The following AGBL1 variants were observed in gnomAD, a reference collection of about 807,000 sequenced individuals.
AGBL1 encodes AGBL carboxypeptidase 1, also known as cytosolic carboxypeptidase 4.
A neutral mutation model predicts 118.9 loss-of-function variants in AGBL1; 130 were observed. That is an observed-to-expected ratio of 1.09 (90% confidence interval 0.95 to 1.26). The LOEUF (loss-of-function observed/expected upper bound fraction) is 1.26. Ranked by LOEUF, AGBL1 falls within the 50% of genes most tolerant of loss-of-function variation. The probability of loss-of-function intolerance (pLI) is 0.00; values close to 1 mark genes in which losing one functional copy is unlikely to be tolerated. For synonymous variants in AGBL1, 555 were observed against 478.9 expected, an observed-to-expected ratio of 1.16 and a Z score of -2.08; for missense variants, 1,584 against 1,298.1, an observed-to-expected ratio of 1.22 and a Z score of -3.38.
intron 13 of AGBL1, among the ~76,000 whole-genome samples, chr15:86,268,563 G>A (rs1169758663): frequency 2.0e-5 from 3 of 152,106 alleles, no homozygotes; most frequent in Non-Finnish European, 4.4e-5. Context: ...TTATGGTCAG[G>A]GTAATAGAGT....
intron 5 of AGBL1, among the ~76,000 whole-genome samples, chr15:86,222,208 A>G (rs2078291522): frequency 6.6e-6 from 1 of 152,140 alleles, no homozygotes; most frequent in African/African-American, 2.4e-5. Flanking sequence ...ATAAATGTAT[A>G]TTCCTAACTG....
intron 1 of AGBL1, among the ~76,000 whole-genome samples, chr15:86,140,893 A>T (rs1476999722): frequency 6.6e-6 from 1 of 152,236 alleles, no homozygotes; most frequent in Non-Finnish European, 1.5e-5. Context: ...CTGAAGACAT[A>T]AGAAGGACAA....
chr15:86,204,472 A>C (rs10152455), intron 5 of AGBL1, among the ~76,000 whole-genome samples: 21,279 of 149,090 alleles, frequency 0.14, 3,250 homozygotes, highest in African/African-American at 0.38. Context: ...CCCTTCCCTT[A>C]CCTTCCCTTC....
chr15:86,944,669 T>C (rs944442104), intron 23 of AGBL1, among the ~76,000 whole-genome samples: 3 of 152,222 alleles, frequency 2.0e-5, no homozygotes, highest in African/African-American at 7.2e-5. Context: ...ATCTGCATAT[T>C]TTTAATGCCT....
intron 21 of AGBL1, among the ~76,000 whole-genome samples, chr15:86,603,199 A>G (rs1442109480): frequency 2.0e-5 from 3 of 151,924 alleles, no homozygotes; most frequent in African/African-American, 7.3e-5. Context: ...ACCATCATCC[A>G]TTTCTCCACA....
intron 21 of AGBL1, among the ~76,000 whole-genome samples, chr15:86,635,493 C>A (rs2085068376): frequency 6.6e-6 from 1 of 151,608 alleles, no homozygotes. Context: ...ACTGTTTTGG[C>A]TCTCTGTTTT....
intron 21 of AGBL1, among the ~76,000 whole-genome samples, chr15:86,575,230 G>C (rs1386180349): frequency 6.6e-6 from 1 of 151,984 alleles, no homozygotes; most frequent in Non-Finnish European, 1.5e-5. Flanking sequence ...TGGGTGTGGT[G>C]GTGCATGTCT....
chr15:86,169,985 T>G (rs150888832), intron 5 of AGBL1, among the ~76,000 whole-genome samples: 10 of 152,266 alleles, frequency 6.6e-5, no homozygotes, highest in Non-Finnish European at 1.5e-4. Flanking sequence ...AATCACAATG[T>G]GTAGAATCCA....
intron 18 of AGBL1, among the ~76,000 whole-genome samples, chr15:86,511,200 A>G (rs1567032833): frequency 6.6e-6 from 1 of 152,066 alleles, no homozygotes; most frequent in African/African-American, 2.4e-5. Flanking sequence ...TTTTACATAG[A>G]AGAAAACCAC....
chr15:86,472,032 G>C (rs2082486241), intron 18 of AGBL1, among the ~76,000 whole-genome samples: 1 of 152,188 alleles, frequency 6.6e-6, no homozygotes. Flanking sequence ...CCACTGACTG[G>C]TGTGATGCAG....
rs548088418 is a variant in AGBL1, at chr15:86,715,209, A to G, written c.3158+40773A>G. ...TAGGTCTGAAGTCAGAGAATGGGGG[A>G]AAATAATCTAAATCCTGCACAGTGA... On this transcript the variant is annotated intron_variant, in intron 22 of 22. Coordinates refer to ENST00000614907, the MANE Select transcript of AGBL1 (RefSeq NM_001386094.1). Among the ~76,000 whole-genome samples the G allele has an allele frequency of 1.5e-4, 23 of 152,312 alleles. 1 individual carries two copies. The East Asian group carries it at 4.3e-3, about 28-fold the overall frequency.
At chr15:86,741,071 T>C (rs1176269545) in intron 22 of AGBL1, among the ~76,000 whole-genome samples, 1 of 151,884 alleles carries the variant, frequency 6.6e-6, no homozygotes, top group East Asian at 1.9e-4. Flanking sequence ...ATGGTAAAAC[T>C]CCTCTATGTG....
intron 18 of AGBL1, among the ~76,000 whole-genome samples, chr15:86,430,738 T>C (rs573842045): frequency 1.2e-4 from 19 of 152,300 alleles, no homozygotes; most frequent in African/African-American, 3.1e-4. Flanking sequence ...CCACAGGTGA[T>C]AATTGGGGTT....
At chr15:86,528,867 G>A (rs1413787980) in intron 19 of AGBL1, among the ~76,000 whole-genome samples, 1 of 14,694 alleles carries the variant, frequency 6.8e-5, no homozygotes, top group Admixed American at 5.4e-4. Flanking sequence ...TCACACGGCA[G>A]GGTATTCCAA....
chr15:86,332,442 C>G (rs908120805), intron 17 of AGBL1, among the ~76,000 whole-genome samples: 2 of 152,026 alleles, frequency 1.3e-5, no homozygotes, highest in Admixed American at 6.5e-5. Context: ...GTCAGGAGAT[C>G]GAGACCATCC....
At chr15:86,534,093 C>A (rs1449367789) in intron 19 of AGBL1, among the ~76,000 whole-genome samples, 1 of 123,718 alleles carries the variant, frequency 8.1e-6, no homozygotes, top group Non-Finnish European at 1.6e-5. Flanking sequence ...GCACATGTAC[C>A]CTAAAACTTA....
At chr15:86,135,620 C>T (rs1477770786) in intron 1 of AGBL1, among the ~76,000 whole-genome samples, 1 of 152,122 alleles carries the variant, frequency 6.6e-6, no homozygotes, top group East Asian at 1.9e-4. Flanking sequence ...TCCATAGTTC[C>T]CTGAATGCCT....
intron 5 of AGBL1, among the ~76,000 whole-genome samples, chr15:86,219,154 C>A (rs1056196672): frequency 6.6e-6 from 1 of 152,148 alleles, no homozygotes; most frequent in Non-Finnish European, 1.5e-5. Flanking sequence ...TCTCCAGTGA[C>A]CTCTCCTGAC....
intron 23 of AGBL1, among the ~76,000 whole-genome samples, chr15:86,975,578 C>T (rs2081168575): frequency 6.6e-6 from 1 of 152,050 alleles, no homozygotes; most frequent in Admixed American, 6.6e-5. Flanking sequence ...CCAAAAATTC[C>T]CATTGCTCTC....
Sources: gnomAD v4.1 joint callset for allele counts (sites outside exome capture counted in the v4.1 genomes callset) on GRCh38, gnomAD v4.1.1 for gene constraint, MANE v1.5 for transcripts, NCBI Gene and HGNC (gene_info 2026-07-23, HGNC 2026-07-21) for gene names.